The following ARHGEF10 variants were observed in gnomAD, a reference collection of about 807,000 sequenced individuals.
ARHGEF10 encodes the protein Rho guanine nucleotide exchange factor (GEF) 10.
Under a neutral mutation model 147.4 loss-of-function variants are expected in ARHGEF10, and 140 were observed. The ratio of observed to expected loss-of-function variants is 0.95; its 90% confidence interval spans 0.83 to 1.09. The LOEUF is 1.09. Among genes scored for constraint, ARHGEF10 ranks in the 50% least tolerant of loss-of-function variants. The pLI is 0.00. For synonymous variants in ARHGEF10, 902 were observed against 695.8 expected, an observed-to-expected ratio of 1.30 and a Z score of -4.67; for missense variants, 2,222 against 1,752.7, an observed-to-expected ratio of 1.27 and a Z score of -4.78.
intron 2 of ARHGEF10, among the ~76,000 whole-genome samples, chr8:1,855,856 A>G (rs1343249125): frequency 6.6e-6 from 1 of 151,650 alleles, no homozygotes; most frequent in Non-Finnish European, 1.5e-5. Context: ...TGTTTGTTTA[A>G]CTTTTTACTT....
chr8:1,939,965 G>A (rs987074231), intron 26 of ARHGEF10, among the ~76,000 whole-genome samples: 1 of 152,198 alleles, frequency 6.6e-6, no homozygotes, highest in South Asian at 2.1e-4. Context: ...AGGGTTTTCA[G>A]CGTGGAACAG....
At chr8:1,824,774 T>A (rs1485716936) in intron 1 of ARHGEF10, among the ~76,000 whole-genome samples, 3 of 54,352 alleles carry the variant, frequency 5.5e-5, no homozygotes, top group African/African-American at 2.5e-4. Flanking sequence ...ACCTGTTTAT[T>A]CTGCACCCCA....
At chr8:1,869,109 C>T in intron 6 of ARHGEF10, 85 bp from the exon 7 acceptor site, 2 of 1,216,906 alleles carry the variant, frequency 1.6e-6, no homozygotes, top group East Asian at 2.3e-5. Context: ...ATCATGACAT[C>T]ATCGGCGACT....
At chr8:1,838,874 G>C (rs36113300) in intron 1 of ARHGEF10, among the ~76,000 whole-genome samples, 2 of 150,942 alleles carry the variant, frequency 1.3e-5, no homozygotes, top group Non-Finnish European at 3.0e-5. Context: ...ACTGTCCAGC[G>C]TGGAAGGTGT....
intron 15 of ARHGEF10, among the ~76,000 whole-genome samples, chr8:1,898,779 G>A (rs1001925743): frequency 6.6e-6 from 1 of 152,046 alleles, no homozygotes; most frequent in Admixed American, 6.5e-5. Flanking sequence ...TGCGGGGAGG[G>A]GTGTTGTGGG....
At chr8:1,858,244 C>G in intron 3 of ARHGEF10, 129 bp downstream of exon 3, 4 of 803,184 alleles carry the variant, frequency 5.0e-6, no homozygotes, top group Non-Finnish European at 7.8e-6. Context: ...AGGTGGGTCC[C>G]CAGGTGAGTC....
intron 4 of ARHGEF10, among the ~76,000 whole-genome samples, chr8:1,861,038 C>T (rs890694175): frequency 3.9e-5 from 6 of 152,176 alleles, no homozygotes; most frequent in East Asian, 3.9e-4. Flanking sequence ...CCACTGAGGA[C>T]GGTGTTCCCT....
intron 18 of ARHGEF10, among the ~76,000 whole-genome samples, chr8:1,921,554 C>G (rs926184171): frequency 3.3e-5 from 5 of 152,088 alleles, no homozygotes; most frequent in Admixed American, 6.6e-5. Flanking sequence ...ATGGTGAACC[C>G]TCTACTAAAC....
chr8:1,891,471 C>A (rs1224060285), intron 11 of ARHGEF10, among the ~76,000 whole-genome samples: 1 of 152,142 alleles, frequency 6.6e-6, no homozygotes, highest in African/African-American at 2.4e-5. Flanking sequence ...TTGGAAAGTA[C>A]CCTTGATGCT....
intron 2 of ARHGEF10, among the ~76,000 whole-genome samples, chr8:1,856,745 T>C (rs1805583938): frequency 6.6e-6 from 1 of 152,142 alleles, no homozygotes; most frequent in Admixed American, 6.5e-5. Flanking sequence ...TTGGAGGGGC[T>C]TGGTTTGGGC....
At chr8:1,878,580 G>A (rs1220505109) in intron 8 of ARHGEF10, among the ~76,000 whole-genome samples, 1 of 152,220 alleles carries the variant, frequency 6.6e-6, no homozygotes, top group African/African-American at 2.4e-5. Context: ...TAAGAAGAGT[G>A]CTGGGCTCTG....
chr8:1,879,962 G>T (rs879547046), intron 8 of ARHGEF10, 86 bp from the exon 9 acceptor site: 6 of 954,358 alleles, frequency 6.3e-6, no homozygotes, highest in East Asian at 2.4e-5. Context: ...CACTGCAGAC[G>T]CTGCCAGCAT....
chr8:1,825,857 G>A (rs888413122), intron 1 of ARHGEF10, among the ~76,000 whole-genome samples: 30 of 152,224 alleles, frequency 2.0e-4, no homozygotes, highest in African/African-American at 7.0e-4. Context: ...TAGATTCTGT[G>A]CAGGAGTGAC....
chr8:1,890,019 G>A (rs114389276), intron 11 of ARHGEF10, among the ~76,000 whole-genome samples: 3 of 144,196 alleles, frequency 2.1e-5, no homozygotes, highest in South Asian at 4.3e-4. Context: ...CACTGAGTGC[G>A]GTGAGGGGTA....
chr8:1,923,119 C>T, intron 19 of ARHGEF10, 40 bp downstream of exon 19: 3 of 1,419,800 alleles, frequency 2.1e-6, no homozygotes, highest in Non-Finnish European at 2.0e-6. Context: ...TCTGCCTTTA[C>T]TTATAAGTCA....
intron 11 of ARHGEF10, among the ~76,000 whole-genome samples, chr8:1,888,221 G>C (rs1479628968): frequency 2.3e-5 from 2 of 87,260 alleles, no homozygotes; most frequent in African/African-American, 1.1e-4. Flanking sequence ...GGCGAGGGTT[G>C]CGAGGAGACA....
chr8:1,856,124 G>GA (rs1199703280), intron 2 of ARHGEF10, among the ~76,000 whole-genome samples: 1 of 152,224 alleles, frequency 6.6e-6, no homozygotes, highest in Non-Finnish European at 1.5e-5. Flanking sequence ...GACCCTCTAG[G>GA]AAGTGGGTGA....
chr8:1,885,524 CTT>C (rs57467911), intron 10 of ARHGEF10, 75 bp from the exon 11 acceptor site: 152,080 of 1,057,360 alleles, frequency 0.14, 13,072 homozygotes, highest in East Asian at 0.28. Flanking sequence ...ATTTATTTGA[CTT>C]TTTTTTACTG....
chr8:1,879,503 T>G (rs1807992461), intron 8 of ARHGEF10, among the ~76,000 whole-genome samples: 1 of 152,120 alleles, frequency 6.6e-6, no homozygotes, highest in Non-Finnish European at 1.5e-5. Flanking sequence ...GCCTGGTGTC[T>G]GGATAGTGTC....
Sources: allele counts gnomAD v4.1 joint callset (sites outside exome capture counted in the v4.1 genomes callset), GRCh38; gene constraint gnomAD v4.1.1; transcripts MANE v1.5; gene names NCBI Gene and HGNC (gene_info 2026-07-23, HGNC 2026-07-21).